TENM4: variants seen among roughly 807,000 people sequenced by gnomAD.
TENM4 encodes teneurin transmembrane protein 4, also known as teneurin-4.
A neutral mutation model predicts 243.3 loss-of-function variants in TENM4; 82 were observed. The observed-to-expected ratio is 0.34, with a 90% CI of 0.28 to 0.40. TENM4 has a LOEUF of 0.40. Among genes scored for constraint, TENM4 ranks in the 10% least tolerant of loss-of-function variants. The pLI is 1.00. For missense variants in TENM4, 3,138 were observed against 3,673.3 expected (o/e 0.85, Z 3.77); for synonymous variants, 1,412 against 1,456.3 (o/e 0.97, Z 0.69).
At chr11:79,248,018 A>G (rs750784292) in intron 2 of TENM4, among the ~76,000 whole-genome samples, 15 of 152,172 alleles carry the variant, frequency 9.9e-5, no homozygotes, top group Non-Finnish European at 2.1e-4. Context: ...CTGGTCCCTT[A>G]TAAACACGCA....
At chr11:78,703,269 A>G (rs1859152556) in intron 27 of TENM4, among the ~76,000 whole-genome samples, 1 of 152,170 alleles carries the variant, frequency 6.6e-6, no homozygotes, top group Non-Finnish European at 1.5e-5. Flanking sequence ...CTAGGAGCTG[A>G]GCATAAACGC....
chr11:78,707,437 C>G (rs1420226576), intron 27 of TENM4, among the ~76,000 whole-genome samples: 1 of 152,232 alleles, frequency 6.6e-6, no homozygotes, highest in Non-Finnish European at 1.5e-5. Flanking sequence ...TGCAAATGTG[C>G]AAACTCTTTG....
rs566570219 is a variant in TENM4, at chr11:78,886,788, C to T, written c.1084+2997G>A. On this transcript the variant is annotated intron_variant, in intron 9 of 33. Coordinates refer to ENST00000278550, the MANE Select transcript of TENM4 (RefSeq NM_001098816.3). Reference sequence around the variant, plus strand: ...GCCCTAGCATCCAGTCCAAGTATTTCGACACAGACACAATATTATCTGTGT... The same window carrying T: ...GCCCTAGCATCCAGTCCAAGTATTTTGACACAGACACAATATTATCTGTGT... Among the ~76,000 whole-genome samples, 4 of 152,270 alleles carry T rather than the reference C, an allele frequency of 2.6e-5. No individual in the cohort carries two copies. The East Asian group carries it at 5.8e-4, about 22-fold the overall frequency.
intron 1 of TENM4, among the ~76,000 whole-genome samples, chr11:79,320,553 C>T (rs945805053): frequency 6.6e-6 from 1 of 152,158 alleles, no homozygotes; most frequent in Admixed American, 6.5e-5. Context: ...AACTAAGTCT[C>T]AGGAAAGTTG....
At chr11:78,965,703 G>T (rs1177528177) in intron 6 of TENM4, among the ~76,000 whole-genome samples, 13 of 152,166 alleles carry the variant, frequency 8.5e-5, no homozygotes, top group Non-Finnish European at 1.8e-4. Context: ...TTTCTCCTAC[G>T]CATTCCCTGG....
Position 79,255,955 on chromosome 11 carries a change from C to A in TENM4, c.-264-40046G>T, listed in dbSNP as rs567816844. 2.0e-5 allele frequency among the ~76,000 whole-genome samples: 3 copies of A among 152,292 alleles called. 1 individual carries two copies. The highest frequency in any genetic ancestry group is 2.0e-4 in the Admixed American group (3 of 15,306). On this transcript the variant is annotated intron_variant, in intron 2 of 33. Transcript: ENST00000278550. ...CAGCTCTTTTCTCTACCCTTCGCTG[C>A]CCTTTTCTGTGCCCCAGGAGGCTGA...
In TENM4 at chr11:78,950,278, G is replaced by GC. The variant is rs774446249; in HGVS notation, c.494-46756dup. 3.9e-5 allele frequency among the ~76,000 whole-genome samples: 6 copies of GC among 152,342 alleles called. No individual in the cohort carries two copies. The East Asian group carries it at 9.6e-4, about 24-fold the overall frequency. ...TCTGAACAGAGCAGAGAGCCGGAGT[G>GC]CAACTCAGCGGTTTCCATTCAGGGG... On this transcript the variant is annotated intron_variant, in intron 6 of 33. Coordinates refer to ENST00000278550, the MANE Select transcript of TENM4 (RefSeq NM_001098816.3).
chr11:79,300,443 CTCTAA>C (rs1459813390), intron 1 of TENM4, among the ~76,000 whole-genome samples: 1 of 151,710 alleles, frequency 6.6e-6, no homozygotes, highest in African/African-American at 2.4e-5. Context: ...AGTGTAAATA[CTCTAA>C]TATCTTTGTA....
intron 4 of TENM4, among the ~76,000 whole-genome samples, chr11:79,080,344 T>C (rs929300805): frequency 6.6e-6 from 1 of 152,166 alleles, no homozygotes; most frequent in East Asian, 1.9e-4. Context: ...CGTCTACAGG[T>C]GATTCCAGCA....
chr11:78,749,092 C>T (rs1053942947), intron 19 of TENM4, among the ~76,000 whole-genome samples: 4 of 152,106 alleles, frequency 2.6e-5, no homozygotes, highest in Non-Finnish European at 5.9e-5. Context: ...AAACAGAGAT[C>T]GTAATTCATT....
intron 1 of TENM4, among the ~76,000 whole-genome samples, chr11:79,329,494 T>C (rs1434405349): frequency 2.0e-5 from 3 of 152,172 alleles, no homozygotes; most frequent in African/African-American, 7.2e-5. Context: ...GGAGCTATGA[T>C]AGAAAGTGGC....
At chr11:78,961,707 T>C (rs1857325599) in intron 6 of TENM4, among the ~76,000 whole-genome samples, 1 of 152,076 alleles carries the variant, frequency 6.6e-6, no homozygotes, top group Non-Finnish European at 1.5e-5. Flanking sequence ...ACTGAGTCTC[T>C]GGGCATGGTT....
chr11:78,768,161 C>T (rs1335143249), intron 18 of TENM4, among the ~76,000 whole-genome samples: 1 of 152,236 alleles, frequency 6.6e-6, no homozygotes, highest in Non-Finnish European at 1.5e-5. Flanking sequence ...TCATCTATGC[C>T]ATCCTGCAAA....
intron 2 of TENM4, among the ~76,000 whole-genome samples, chr11:79,277,672 G>T (rs942368703): frequency 1.3e-5 from 2 of 152,176 alleles, no homozygotes; most frequent in Non-Finnish European, 2.9e-5. Context: ...GATGTGAACT[G>T]GGGGCCTGCT....
In TENM4 at chr11:79,373,330, CTGGA is replaced by C. The variant is rs1289784552; in HGVS notation, c.-321+67175_-321+67178del. Among the ~76,000 whole-genome samples the C allele has an allele frequency of 7.3e-3, 704 of 96,132 alleles. 5 individuals carry two copies. The highest frequency in any genetic ancestry group is 0.025 in the African/African-American group (481 of 19,158). The allele number at this position is 96,132 out of a possible 152,430, so 63.1% of individuals were successfully genotyped here. A position where few individuals can be genotyped will look rare whatever the true frequency, so the allele number is the denominator to read the frequency against. The stretch of plus-strand genomic sequence containing the variant: ...GCTGGCTGGCTGGCTGGCTGGCTGG[CTGGA>C]TGGATGGATGGATGGATGGATCGAT... On this transcript the variant is annotated intron_variant, in intron 1 of 33. Coordinates refer to ENST00000278550, the MANE Select transcript of TENM4 (RefSeq NM_001098816.3).
chr11:79,433,161 T>G (rs1291464953), intron 1 of TENM4, among the ~76,000 whole-genome samples: 1 of 152,204 alleles, frequency 6.6e-6, no homozygotes, highest in African/African-American at 2.4e-5. Flanking sequence ...GATTATGACT[T>G]TCTGAAATAA....
At chr11:79,096,936 A>ATGCGCGCGCGCGCGCGCG (rs1861097641) in intron 4 of TENM4, 1 of 149,980 alleles carries the variant, frequency 6.7e-6, no homozygotes, top group Non-Finnish European at 1.5e-5. Context: ...GCGCACACAC[A>ATGCGCGCGCGCGCGCGCG]CACACACACA....
chr11:79,130,449 C>A (rs1267428361), intron 4 of TENM4, among the ~76,000 whole-genome samples: 1 of 146,924 alleles, frequency 6.8e-6, no homozygotes, highest in Non-Finnish European at 1.5e-5. Flanking sequence ...AGGGAGGGAC[C>A]AGAGAAAGGC....
At chr11:78,959,498 G>A (rs1029569463) in intron 6 of TENM4, among the ~76,000 whole-genome samples, 1 of 152,150 alleles carries the variant, frequency 6.6e-6, no homozygotes, top group Non-Finnish European at 1.5e-5. Context: ...CTGGTTTTGG[G>A]TTTCAGGAGA....
Sources: allele counts gnomAD v4.1 joint callset (sites outside exome capture counted in the v4.1 genomes callset), GRCh38; gene constraint gnomAD v4.1.1; transcripts MANE v1.5; gene names NCBI Gene and HGNC (gene_info 2026-07-23, HGNC 2026-07-21).